The following MRTFB variants were observed in gnomAD, a reference collection of about 807,000 sequenced individuals.
MRTFB encodes the protein myocardin-related transcription factor B.
Under a neutral mutation model 104.2 loss-of-function variants are expected in MRTFB, and 29 were observed. The observed-to-expected ratio is 0.28, with a 90% CI of 0.21 to 0.38. MRTFB has a LOEUF of 0.38. Among genes scored for constraint, MRTFB ranks in the 10% least tolerant of loss-of-function variants. The pLI is 1.00. For synonymous variants in MRTFB, 535 were observed against 519.5 expected (o/e 1.03, Z -0.41); for missense variants, 1,270 against 1,341.6 (o/e 0.95, Z 0.83).
At chr16:14,054,475 C>T in the MRTFB span, among the ~76,000 whole-genome samples, 126 of 152,314 alleles carry the variant, frequency 8.3e-4, no homozygotes, top group South Asian at 1.9e-3. Context: ...CCTCAGCCTT[C>T]CAAAGTGCTA....
chr16:14,115,043 A>G (rs2036473137), intron 2 of MRTFB, among the ~76,000 whole-genome samples: 1 of 152,194 alleles, frequency 6.6e-6, no homozygotes, highest in Non-Finnish European at 1.5e-5. Flanking sequence ...ACCACTTAAT[A>G]TAAGTATTTG....
intron 3 of MRTFB, among the ~76,000 whole-genome samples, chr16:14,156,810 A>G (rs2038845550): frequency 6.6e-6 from 1 of 152,220 alleles, no homozygotes; most frequent in Admixed American, 6.5e-5. Flanking sequence ...AAAAGAGACA[A>G]CTAAAGACTG....
intron 3 of MRTFB, among the ~76,000 whole-genome samples, chr16:14,198,879 C>T (rs892014890): frequency 6.6e-6 from 1 of 152,168 alleles, no homozygotes; most frequent in African/African-American, 2.4e-5. Context: ...CTTCAAGGTA[C>T]CTGCTATCTC....
intron 3 of MRTFB, among the ~76,000 whole-genome samples, chr16:14,191,596 T>C (rs552613461): frequency 6.6e-6 from 1 of 152,324 alleles, no homozygotes; most frequent in South Asian, 2.1e-4. Context: ...ATACCCTGCA[T>C]CTCATAGACA....
chr16:14,076,558 C>G (rs1225699634), intron 1 of MRTFB, among the ~76,000 whole-genome samples: 1 of 152,156 alleles, frequency 6.6e-6, no homozygotes, highest in Non-Finnish European at 1.5e-5. Context: ...CTCCAGTGAT[C>G]AATATATGAG....
intron 3 of MRTFB, among the ~76,000 whole-genome samples, chr16:14,166,217 C>CT (rs35113283): frequency 0.15 from 17,199 of 112,402 alleles, 1,467 homozygotes; most frequent in East Asian, 0.33. Flanking sequence ...GTTTTCTTTT[C>CT]TTTTTTTTTT....
chr16:14,246,466 C>T lies in MRTFB; in HGVS notation c.1213-7C>T, dbSNP rs772998967. 2 of 1,612,350 alleles carry T rather than the reference C, an allele frequency of 1.2e-6. No individual in the cohort carries two copies. The highest frequency in any genetic ancestry group is 1.7e-6 in the Non-Finnish European group (2 of 1,178,694). On this transcript the variant is annotated splice_polypyrimidine_tract_variant and splice_region_variant and intron_variant, in intron 11 of 16. Coordinates refer to ENST00000571589, the MANE Select transcript of MRTFB (RefSeq NM_001308142.2). The stretch of plus-strand genomic sequence containing the variant: ...TACTAAGATATCTGCTTTGTTTGTA[C>T]CTCCAGGTATCAGAACTGAAGACAG...
At chr16:14,035,214 G>C in the MRTFB span, among the ~76,000 whole-genome samples, 1 of 152,174 alleles carries the variant, frequency 6.6e-6, no homozygotes, top group Non-Finnish European at 1.5e-5. Context: ...TCCTCCCTGA[G>C]CCCCTGTGAT....
intron 3 of MRTFB, among the ~76,000 whole-genome samples, chr16:14,196,901 T>A (rs1244323787): frequency 6.6e-6 from 1 of 152,116 alleles, no homozygotes; most frequent in Non-Finnish European, 1.5e-5. Context: ...TAACCCAAAA[T>A]TTGTGATATT....
chr16:14,242,866 G>GA (rs993071852), intron 10 of MRTFB, among the ~76,000 whole-genome samples: 49 of 147,864 alleles, frequency 3.3e-4, no homozygotes, highest in South Asian at 8.6e-4. Context: ...ATCTCAACAG[G>GA]AAAAAAAAAA....
intron 3 of MRTFB, among the ~76,000 whole-genome samples, chr16:14,196,026 C>G (rs1419657130): frequency 6.6e-6 from 1 of 152,234 alleles, no homozygotes; most frequent in African/African-American, 2.4e-5. Context: ...AATGTTATCT[C>G]TGCCATTCTG....
intron 2 of MRTFB, among the ~76,000 whole-genome samples, chr16:14,093,953 T>A (rs1567314551): frequency 1.3e-5 from 2 of 152,248 alleles, no homozygotes; most frequent in Non-Finnish European, 2.9e-5. Flanking sequence ...CTTTTTCTAT[T>A]TTCTGAAATG....
the MRTFB span, among the ~76,000 whole-genome samples, chr16:14,030,599 C>T: frequency 6.6e-6 from 1 of 152,274 alleles, no homozygotes; most frequent in Non-Finnish European, 1.5e-5. Flanking sequence ...TGCCAAAAAC[C>T]ATTTCGATGC....
At chr16:14,123,137 TG>T (rs1263652655) in intron 2 of MRTFB, among the ~76,000 whole-genome samples, 1 of 152,194 alleles carries the variant, frequency 6.6e-6, no homozygotes, top group Non-Finnish European at 1.5e-5. Flanking sequence ...TTGATGGGGT[TG>T]TTTGTTTTTT....
At chr16:14,116,199 C>G (rs2036534132) in intron 2 of MRTFB, among the ~76,000 whole-genome samples, 1 of 151,934 alleles carries the variant, frequency 6.6e-6, no homozygotes, top group Admixed American at 6.6e-5. Flanking sequence ...TTCTTCTGTT[C>G]CATAGTCCTG....
chr16:14,210,152 GA>G (rs1368490479), intron 3 of MRTFB, 90 bp from the exon 4 acceptor site: 1 of 908,876 alleles, frequency 1.1e-6, no homozygotes, highest in East Asian at 2.6e-5. Context: ...GAAGATGCTT[GA>G]TAAAGCTTAA....
intron 4 of MRTFB, among the ~76,000 whole-genome samples, chr16:14,211,779 T>C (rs2041199376): frequency 6.6e-6 from 1 of 152,142 alleles, no homozygotes; most frequent in South Asian, 2.1e-4. Flanking sequence ...ATTCTAGATT[T>C]AAATACCACT....
intron 10 of MRTFB, among the ~76,000 whole-genome samples, chr16:14,245,273 A>G (rs1372652446): frequency 6.6e-6 from 1 of 152,174 alleles, no homozygotes; most frequent in African/African-American, 2.4e-5. Flanking sequence ...TCAAGGATTC[A>G]TGGCCATTCT....
At chr16:14,080,478 TGTG>T (rs2034330732) in intron 2 of MRTFB, among the ~76,000 whole-genome samples, 1 of 152,262 alleles carries the variant, frequency 6.6e-6, no homozygotes, top group Non-Finnish European at 1.5e-5. Context: ...TTACCATTTT[TGTG>T]GTGAGAACAT....
Sources: allele counts gnomAD v4.1 joint callset (sites outside exome capture counted in the v4.1 genomes callset), GRCh38; gene constraint gnomAD v4.1.1; transcripts MANE v1.5; gene names NCBI Gene and HGNC (gene_info 2026-07-23, HGNC 2026-07-21).